GLDC: variants seen among roughly 807,000 people sequenced by gnomAD.
GLDC encodes glycine decarboxylase, also known as glycine dehydrogenase (decarboxylating), mitochondrial.
In GLDC, 104 loss-of-function variants were observed where a neutral mutation model predicts 121.3. The ratio of observed to expected loss-of-function variants is 0.86; its 90% CI spans 0.73 to 1.01. The LOEUF (loss-of-function observed/expected upper bound fraction) is 1.01. Ranked by LOEUF, GLDC falls within the 50% of genes least tolerant of loss-of-function variation. GLDC has a pLI of 0.00. For missense variants in GLDC, 1,429 were observed against 1,306.6 expected (o/e 1.09, Z -1.44); for synonymous variants, 546 against 480.6 (o/e 1.14, Z -1.78).
intron 21 of GLDC, among the ~76,000 whole-genome samples, chr9:6,547,142 G>A (rs545240471): frequency 1.3e-5 from 2 of 152,044 alleles, no homozygotes; most frequent in South Asian, 2.1e-4. Context: ...CAACACACCC[G>A]GCTGCTACTA....
chr9:6,537,774 T>A (rs1195367688), intron 22 of GLDC, among the ~76,000 whole-genome samples: 4 of 152,046 alleles, frequency 2.6e-5, no homozygotes, highest in Non-Finnish European at 5.9e-5. Flanking sequence ...AGTAAGACCT[T>A]GTCTCTATTA....
intron 15 of GLDC, among the ~76,000 whole-genome samples, chr9:6,577,395 A>T (rs1032055419): frequency 1.3e-5 from 2 of 152,220 alleles, no homozygotes; most frequent in African/African-American, 4.8e-5. Flanking sequence ...GCCCCAGGGC[A>T]AGCTTCAAAG....
intron 8 of GLDC, among the ~76,000 whole-genome samples, chr9:6,600,150 G>C (rs1818575837): frequency 6.6e-6 from 1 of 152,148 alleles, no homozygotes; most frequent in Non-Finnish European, 1.5e-5. Context: ...GATCACTTGA[G>C]CTCAGGAATT....
At chr9:6,533,323 C>A (rs1325961212) in intron 24 of GLDC, among the ~76,000 whole-genome samples, 163 bp from the exon 25 acceptor site, 1 of 152,110 alleles carries the variant, frequency 6.6e-6, no homozygotes, top group Non-Finnish European at 1.5e-5. Flanking sequence ...AAAAAAGAGG[C>A]ATTTCCCAGG....
At chr9:6,639,667 A>AAAGTATATAT in intron 2 of GLDC, 1 of 322,158 alleles carries the variant, frequency 3.1e-6, no homozygotes. Flanking sequence ...CATAAAAAAA[A>AAAGTATATAT]AGTATATATA....
At chr9:6,588,902 G>T (rs1159919579) in intron 12 of GLDC, among the ~76,000 whole-genome samples, 200 bp from the exon 13 acceptor site, 6 of 152,214 alleles carry the variant, frequency 3.9e-5, no homozygotes, top group Non-Finnish European at 8.8e-5. Flanking sequence ...GAAGCTGACT[G>T]TGGGTATGAG....
intron 8 of GLDC, among the ~76,000 whole-genome samples, chr9:6,599,603 C>A (rs935799372): frequency 6.6e-6 from 1 of 151,906 alleles, no homozygotes; most frequent in Non-Finnish European, 1.5e-5. Flanking sequence ...CGCCTGTAAT[C>A]CCAGCTACTC....
intron 2 of GLDC, among the ~76,000 whole-genome samples, chr9:6,634,857 C>T (rs1426299156): frequency 2.0e-5 from 3 of 152,208 alleles, no homozygotes; most frequent in African/African-American, 7.2e-5. Context: ...CCTCTGATCT[C>T]AGAGGCACTC....
chr9:6,598,085 G>A (rs1022012173), intron 8 of GLDC, among the ~76,000 whole-genome samples: 3 of 152,208 alleles, frequency 2.0e-5, no homozygotes, highest in African/African-American at 7.2e-5. Context: ...TTGGAGTGCA[G>A]TGGTGTGATT....
chr9:6,633,722 A>G (rs1305946315), intron 2 of GLDC, among the ~76,000 whole-genome samples: 1 of 151,460 alleles, frequency 6.6e-6, no homozygotes, highest in African/African-American at 2.4e-5. Flanking sequence ...GGAGCTCGAG[A>G]CCAGCCTGGC....
At chr9:6,631,247 C>G (rs191069248) in intron 2 of GLDC, among the ~76,000 whole-genome samples, 2 of 152,320 alleles carry the variant, frequency 1.3e-5, no homozygotes, top group Non-Finnish European at 2.9e-5. Context: ...CCGCTCTCCT[C>G]AGGACACCTC....
intron 21 of GLDC, chr9:6,542,321 C>T (rs2129672666): frequency 6.6e-6 from 1 of 152,430 alleles, no homozygotes; most frequent in East Asian, 1.9e-4. Flanking sequence ...TCACTGCAGC[C>T]TTGACCTCCT....
intron 22 of GLDC, 61 bp from the exon 23 acceptor site, chr9:6,536,297 G>T: frequency 7.2e-7 from 1 of 1,394,578 alleles, no homozygotes; most frequent in Non-Finnish European, 1.0e-6. Context: ...CAGTTTGGAA[G>T]AAAAGTTCGT....
chr9:6,611,145 T>C (rs1818842908), intron 3 of GLDC, among the ~76,000 whole-genome samples: 1 of 152,250 alleles, frequency 6.6e-6, no homozygotes. Flanking sequence ...CAGTTAACTC[T>C]ATGGCTATTG....
chr9:6,534,421 C>T (rs1483502142), intron 24 of GLDC, among the ~76,000 whole-genome samples: 1 of 150,304 alleles, frequency 6.7e-6, no homozygotes, highest in African/African-American at 2.5e-5. Flanking sequence ...GCACTGGGCG[C>T]CATCTCCCTG....
At chr9:6,587,966 G>C (rs1030487626) in intron 14 of GLDC, among the ~76,000 whole-genome samples, 2 of 152,080 alleles carry the variant, frequency 1.3e-5, no homozygotes, top group African/African-American at 4.8e-5. Flanking sequence ...AACCACAACA[G>C]CGAGTTGCAC....
chr9:6,633,005 C>T (rs1321274599), intron 2 of GLDC, among the ~76,000 whole-genome samples: 1 of 152,026 alleles, frequency 6.6e-6, no homozygotes, highest in Non-Finnish European at 1.5e-5. Context: ...CAAGGGTCCT[C>T]GCCACCCAGA....
intron 21 of GLDC, among the ~76,000 whole-genome samples, chr9:6,546,365 C>CT (rs34760385): frequency 0.24 from 33,433 of 137,980 alleles, 4,203 homozygotes; most frequent in East Asian, 0.49. Context: ...TTAATTTTTT[C>CT]TTTTTTTTTT....
chr9:6,617,338 G>C (rs1818985648), intron 3 of GLDC, among the ~76,000 whole-genome samples: 1 of 152,116 alleles, frequency 6.6e-6, no homozygotes, highest in Admixed American at 6.5e-5. Context: ...CTGCTCCTAC[G>C]GTAAATTAAC....
Sources: allele counts gnomAD v4.1 joint callset (sites outside exome capture counted in the v4.1 genomes callset), GRCh38; gene constraint gnomAD v4.1.1; transcripts MANE v1.5; gene names NCBI Gene and HGNC (gene_info 2026-07-23, HGNC 2026-07-21).